The following CARF variants were observed in gnomAD, a reference collection of about 807,000 sequenced individuals.
CARF encodes the protein calcium responsive transcription factor.
CARF carries 57 observed loss-of-function variants against 82.0 expected under a neutral mutation model. The ratio of observed to expected loss-of-function variants is 0.70; its 90% confidence interval spans 0.56 to 0.87. CARF has a LOEUF of 0.87. Ranked by LOEUF, CARF falls within the 40% of genes least tolerant of loss-of-function variation. CARF has a pLI of 0.00. For synonymous variants in CARF, 268 were observed against 290.1 expected, an observed-to-expected ratio of 0.92 and a Z score of 0.77; for missense variants, 771 against 855.8, an observed-to-expected ratio of 0.90 and a Z score of 1.24.
At chr2:202,915,260 C>T (rs914185100) in intron 1 of CARF, among the ~76,000 whole-genome samples, 1 of 151,892 alleles carries the variant, frequency 6.6e-6, no homozygotes, top group African/African-American at 2.4e-5. Flanking sequence ...TGTGATCTTC[C>T]CACCTCGGCC....
At chr2:202,921,926 A>C (rs1690883205) in intron 2 of CARF, among the ~76,000 whole-genome samples, 1 of 151,878 alleles carries the variant, frequency 6.6e-6, no homozygotes, top group Admixed American at 6.6e-5. Context: ...CCTGAGCTCA[A>C]CCAGTCCTCC....
chr2:202,937,813 T>C (rs879471597), intron 3 of CARF, among the ~76,000 whole-genome samples: 1 of 151,842 alleles, frequency 6.6e-6, no homozygotes, highest in Non-Finnish European at 1.5e-5. Context: ...TTAGTAGAGA[T>C]GGGGTTTCAC....
intron 3 of CARF, among the ~76,000 whole-genome samples, chr2:202,941,569 G>T (rs951323165): frequency 6.6e-6 from 1 of 152,086 alleles, no homozygotes; most frequent in Non-Finnish European, 1.5e-5. Context: ...ATTTGAAAGG[G>T]TATACCAGTA....
At chr2:202,968,513 C>G (rs1488420707) in intron 10 of CARF, among the ~76,000 whole-genome samples, 1 of 151,890 alleles carries the variant, frequency 6.6e-6, no homozygotes, top group Non-Finnish European at 1.5e-5. Flanking sequence ...ATATTTAAAC[C>G]TGACTGTGAA....
intron 3 of CARF, among the ~76,000 whole-genome samples, chr2:202,938,659 G>T (rs200047772): frequency 7.3e-5 from 10 of 137,238 alleles, no homozygotes; most frequent in Admixed American, 1.5e-4. Context: ...GGTTTTTTTT[G>T]TTTTTTTTTT....
chr2:202,927,124 C>CT (rs541369915), intron 3 of CARF, among the ~76,000 whole-genome samples: 5 of 151,964 alleles, frequency 3.3e-5, no homozygotes, highest in Non-Finnish European at 5.9e-5. Flanking sequence ...CTTATTTGTG[C>CT]TTTTTTTTCT....
At chr2:202,941,639 G>A (rs888094701) in intron 3 of CARF, among the ~76,000 whole-genome samples, 2 of 152,310 alleles carry the variant, frequency 1.3e-5, no homozygotes, top group African/African-American at 4.8e-5. Flanking sequence ...AAGATAGGAT[G>A]AGGGAACTAT....
chr2:202,924,911 C>T (rs967182551), intron 3 of CARF: 10 of 251,502 alleles, frequency 4.0e-5, no homozygotes, highest in Admixed American at 9.4e-5. Context: ...GTATGCACCC[C>T]GGAGAAATTG....
rs1469404148 is a variant in CARF at position 202,985,358 on chromosome 2, G to C, written c.*1734G>C. The C allele has an allele frequency of 2.0e-5, 3 of 151,800 alleles. No individual in the cohort carries two copies. Among genetic ancestry groups the C allele is most frequent in the Non-Finnish European group, 4.4e-5 (3 of 67,928 alleles). 9.4% of individuals were successfully genotyped at this position (151,800 alleles called of 1,614,324 possible). Reference sequence around the variant, plus strand: ...AAATATAAAGTACTGTTATAGTAGAGGTAGGTGGAATTCTAATATTCCCTG... The same window carrying C: ...AAATATAAAGTACTGTTATAGTAGACGTAGGTGGAATTCTAATATTCCCTG... On this transcript the variant is annotated 3_prime_UTR_variant, in exon 17 of 17. Transcript: ENST00000438828.
chr2:202,985,652 A>G lies in CARF; in HGVS notation c.*2028A>G, dbSNP rs1358847756. ...AAGGAATAAGTCCAAATTAATTTAT[A>G]GTTTAGTGTTGCACTATAGGTAATA... On this transcript the variant is annotated 3_prime_UTR_variant, in exon 17 of 17. Transcript: ENST00000438828. 1.3e-5 allele frequency: 2 copies of G among 152,188 alleles called. No homozygotes were observed. Among genetic ancestry groups the G allele is most frequent in the Admixed American group, 6.5e-5 (1 of 15,282 alleles). 9.4% of individuals were successfully genotyped at this position (152,188 alleles called of 1,614,324 possible). A position where few individuals can be genotyped will look rare whatever the true frequency, so the allele number is the denominator to read the frequency against.
intron 10 of CARF, among the ~76,000 whole-genome samples, chr2:202,969,084 G>GT (rs2059670309): frequency 6.6e-6 from 1 of 152,084 alleles, no homozygotes; most frequent in Non-Finnish European, 1.5e-5. Context: ...GAGGTGAGGA[G>GT]TTTGAGACCA....
intron 1 of CARF, among the ~76,000 whole-genome samples, chr2:202,916,298 A>G (rs2105932189): frequency 6.6e-6 from 1 of 152,094 alleles, no homozygotes; most frequent in East Asian, 1.9e-4. Context: ...CTCCTGCCTC[A>G]ACCTCCCCAG....
rs1488695013 is a variant in CARF at position 202,969,939 on chromosome 2, A to G, written c.974A>G (p.Gln325Arg). 2.0e-6 allele frequency: 3 copies of G among 1,528,528 alleles called. No homozygotes were observed. The highest frequency in any genetic ancestry group is 2.6e-5 in the South Asian group (2 of 78,188). The allele number at this position is 1,528,528 out of a possible 1,614,324, so 94.7% of individuals were successfully genotyped here. A position where few individuals can be genotyped will look rare whatever the true frequency, so the allele number is the denominator to read the frequency against. ...CPARIYIKKV[Q>R]KFPEYRVPTD... ...TAAAGGATTTACATTAAAAAGGTAC[A>G]GAAGTTTCCTGAATATAGAGTTCCT... is the stretch of plus-strand genomic sequence containing the variant. Residue 325 changes from glutamine to arginine, a missense_variant, in exon 11 of 17, where the codon CAG becomes CGG. By Grantham distance (43) the Gln-to-Arg change is conservative (BLOSUM62 1). Transcript: ENST00000438828.
rs1007559134 is a variant in CARF, at chr2:202,983,683, G to A, written c.*59G>A. 1 of 1,028,148 alleles carries A rather than the reference G, an allele frequency of 9.7e-7. No individual in the cohort carries two copies. The allele number at this position is 1,028,148 out of a possible 1,614,324, so 63.7% of individuals were successfully genotyped here. A position where few individuals can be genotyped will look rare whatever the true frequency, so the allele number is the denominator to read the frequency against. ...TGACTTCTGATGTCTTAGAAAGGAAGGTGAATATAGTCAAAGCGTGGCATT... is the reference window on the plus strand; with the variant it reads ...TGACTTCTGATGTCTTAGAAAGGAAAGTGAATATAGTCAAAGCGTGGCATT... On this transcript the variant is annotated 3_prime_UTR_variant, in exon 17 of 17. Coordinates refer to ENST00000438828, the MANE Select transcript of CARF (RefSeq NM_024744.17).
intron 3 of CARF, among the ~76,000 whole-genome samples, chr2:202,930,602 T>A (rs1692705890): frequency 1.3e-5 from 2 of 152,230 alleles, no homozygotes; most frequent in Admixed American, 1.3e-4. Flanking sequence ...TTGAATTTCT[T>A]GTTCATATTG....
At chr2:202,933,327 T>A (rs1451431126) in intron 3 of CARF, among the ~76,000 whole-genome samples, 2 of 152,142 alleles carry the variant, frequency 1.3e-5, no homozygotes, top group Non-Finnish European at 1.5e-5. Context: ...CCAGCCGTAG[T>A]TCGGATTCCA....
intron 8 of CARF, among the ~76,000 whole-genome samples, chr2:202,957,807 T>C (rs1337916514): frequency 6.6e-6 from 1 of 151,974 alleles, no homozygotes; most frequent in East Asian, 1.9e-4. Flanking sequence ...ATACAAAAAT[T>C]AGCCGGGCAT....
chr2:202,986,869 T>TATATATATATATATATAC lies in CARF; in HGVS notation c.*3262_*3263insCATATATATATATATATA, dbSNP rs1491238237. ...AAGAGGTTTAAAAAATGTCTGTGCG[T>TATATATATATATATATAC]ATATATATATATATATATATATATA... On this transcript the variant is annotated 3_prime_UTR_variant, in exon 17 of 17. Transcript: ENST00000438828. The TATATATATATATATATAC allele has an allele frequency of 2.5e-3, 42 of 16,596 alleles. No individual in the cohort carries two copies. The highest frequency in any genetic ancestry group is 9.8e-3 in the African/African-American group (37 of 3,786). The allele number at this position is 16,596 out of a possible 1,614,324, so 1.0% of individuals were successfully genotyped here. A position where few individuals can be genotyped will look rare whatever the true frequency, so the allele number is the denominator to read the frequency against.
At chr2:202,982,589 T>A (rs1411285821) in intron 16 of CARF, 148 bp downstream of exon 16, 2 of 738,714 alleles carry the variant, frequency 2.7e-6, no homozygotes, top group Non-Finnish European at 4.2e-6. Flanking sequence ...AAGGAGGAGA[T>A]TTCATTACCC....
Sources: gnomAD v4.1 joint callset for allele counts (sites outside exome capture counted in the v4.1 genomes callset) on GRCh38, gnomAD v4.1.1 for gene constraint, MANE v1.5 for transcripts, NCBI Gene and HGNC (gene_info 2026-07-23, HGNC 2026-07-21) for gene names.